Variants in MKLN1 observed in about 807,000 individuals in gnomAD.
MKLN1 encodes the protein muskelin 1, also known as muskelin.
MKLN1 carries 18 observed loss-of-function variants against 99.0 expected under a neutral mutation model. The observed-to-expected ratio is 0.18, with a 90% CI of 0.13 to 0.27. The LOEUF (loss-of-function observed/expected upper bound fraction) is 0.27, where lower values mean the gene tolerates loss of function less well. Ranked by LOEUF, MKLN1 falls within the 10% of genes least tolerant of loss-of-function variation. The pLI is 1.00. For synonymous variants in MKLN1, 288 were observed against 293.2 expected (o/e 0.98, Z 0.18); for missense variants, 621 against 875.9 (o/e 0.71, Z 3.67).
At chr7:131,178,733 C>T (rs972394841) in intron 2 of MKLN1, among the ~76,000 whole-genome samples, 2 of 152,052 alleles carry the variant, frequency 1.3e-5, no homozygotes, top group African/African-American at 4.8e-5. Context: ...TTAAACACTC[C>T]TGCTTTTGGA....
At chr7:131,230,918 C>T (rs769591599) in intron 3 of MKLN1, among the ~76,000 whole-genome samples, 2 of 151,870 alleles carry the variant, frequency 1.3e-5, no homozygotes, top group African/African-American at 2.4e-5. Flanking sequence ...GTCAGGAGTT[C>T]GAGACCAACC....
intron 3 of MKLN1, among the ~76,000 whole-genome samples, chr7:131,291,790 A>G (rs989794372): frequency 1.3e-5 from 2 of 149,782 alleles, no homozygotes; most frequent in African/African-American, 4.9e-5. Context: ...GAAAAAAAAG[A>G]CATTTAAATT....
intron 1 of MKLN1, among the ~76,000 whole-genome samples, chr7:131,359,016 A>G (rs1206286191): frequency 6.6e-6 from 1 of 151,300 alleles, no homozygotes; most frequent in Non-Finnish European, 1.5e-5. Context: ...AGTTTCATTG[A>G]TTTTTGCCCT....
At chr7:131,276,015 A>G (rs1371900071) in intron 3 of MKLN1, among the ~76,000 whole-genome samples, 1 of 152,164 alleles carries the variant, frequency 6.6e-6, no homozygotes, top group Non-Finnish European at 1.5e-5. Context: ...AGGCAGATAC[A>G]TAGGGGAAGA....
At position 131,495,207 on chromosome 7, in the gene MKLN1, T is replaced by C. The variant is rs1011486783; in HGVS notation, c.*7479T>C. ...AGTCAGAAATTAAGATCCCCTCTGATAGAGATAGATTCTCAAAACCAAAAT... is the reference window on the plus strand; with the variant it reads ...AGTCAGAAATTAAGATCCCCTCTGACAGAGATAGATTCTCAAAACCAAAAT... On this transcript the variant is annotated 3_prime_UTR_variant, in exon 18 of 18. Coordinates refer to ENST00000352689, the MANE Select transcript of MKLN1 (RefSeq NM_013255.5). 1 of 152,200 alleles carries C rather than the reference T, an allele frequency of 6.6e-6. No individual in the cohort carries two copies. The highest frequency in any genetic ancestry group is 1.9e-4 in the East Asian group (1 of 5,206). The allele number at this position is 152,200 out of a possible 1,614,324, so 9.4% of individuals were successfully genotyped here.
intron 3 of MKLN1, among the ~76,000 whole-genome samples, chr7:131,211,766 G>T (rs1351353909): frequency 6.6e-6 from 1 of 152,062 alleles, no homozygotes; most frequent in African/African-American, 2.4e-5. Context: ...TAAAAGATGG[G>T]TGATTACTCT....
intron 1 of MKLN1, among the ~76,000 whole-genome samples, chr7:131,121,676 G>C (rs1288376687): frequency 2.3e-5 from 3 of 129,270 alleles, no homozygotes; most frequent in African/African-American, 8.4e-5. Context: ...AAATTACCCA[G>C]CCTCAGATAT....
chr7:131,268,247 T>C (rs904741026), intron 3 of MKLN1, among the ~76,000 whole-genome samples: 2 of 152,228 alleles, frequency 1.3e-5, no homozygotes, highest in Admixed American at 6.5e-5. Flanking sequence ...AATTCCTTGA[T>C]GTTGAGCTTG....
intron 1 of MKLN1, among the ~76,000 whole-genome samples, chr7:131,350,587 G>A (rs1584635523): frequency 6.6e-6 from 1 of 152,172 alleles, no homozygotes; most frequent in East Asian, 1.9e-4. Context: ...GCAGGATTCA[G>A]TTTCTTGCAA....
chr7:131,478,595 CT>C (rs3080645), intron 16 of MKLN1, 27 bp from the exon 17 acceptor site: 108,219 of 1,210,926 alleles, frequency 0.089, 1 homozygote, highest in Middle Eastern at 0.15. Flanking sequence ...TTTGCTGCTT[CT>C]TTTTTTTTTT....
chr7:131,344,492 T>C (rs1183505559), intron 1 of MKLN1, among the ~76,000 whole-genome samples: 1 of 152,240 alleles, frequency 6.6e-6, no homozygotes, highest in South Asian at 2.1e-4. Context: ...TTTTAGTAGC[T>C]AATTTTGAGT....
intron 11 of MKLN1, among the ~76,000 whole-genome samples, chr7:131,444,297 AG>A (rs1795930760): frequency 6.6e-6 from 1 of 151,778 alleles, no homozygotes; most frequent in South Asian, 2.1e-4. Context: ...TTTTGTATTT[AG>A]TAAAGACAGG....
rs987302968 is a variant in MKLN1, at chr7:131,445,886, A to G, written c.1508A>G (p.Lys503Arg). ...GTAGACATAATATCAGATGGCACCA[A>G]GAAAGACTCTGGGATGGGTAAGGGC... Reference protein sequence around the residue: ...DHVDIISDGTKKDSGMVPMTG... With the variant: ...DHVDIISDGTRKDSGMVPMTG... The change falls in exon 12 of 18, where the codon AAG becomes AGG. Residue 503 changes from lysine to arginine, a missense_variant. Transcript: ENST00000352689. 1 of 1,601,050 alleles carries G rather than the reference A, an allele frequency of 6.2e-7. No homozygotes were observed. The highest frequency in any genetic ancestry group is 8.5e-7 in the Non-Finnish European group (1 of 1,172,076).
At chr7:131,234,415 C>T (rs1198674715) in intron 3 of MKLN1, among the ~76,000 whole-genome samples, 1 of 151,984 alleles carries the variant, frequency 6.6e-6, no homozygotes, top group African/African-American at 2.4e-5. Context: ...TGCCAGTTTC[C>T]CTGCTTCCTA....
chr7:131,381,497 T>C (rs1335213784), intron 2 of MKLN1, among the ~76,000 whole-genome samples: 1 of 152,222 alleles, frequency 6.6e-6, no homozygotes, highest in East Asian at 1.9e-4. Context: ...ACTGTGAAAA[T>C]GACTTTAATG....
chr7:131,148,625 T>A (rs1289956557), intron 2 of MKLN1, among the ~76,000 whole-genome samples: 4 of 151,898 alleles, frequency 2.6e-5, no homozygotes, highest in Non-Finnish European at 5.9e-5. Flanking sequence ...AATTTAGAAT[T>A]AGCCAGGCGT....
At chr7:131,158,697 CT>C (rs1796004559) in intron 2 of MKLN1, among the ~76,000 whole-genome samples, 1 of 152,130 alleles carries the variant, frequency 6.6e-6, no homozygotes, top group Non-Finnish European at 1.5e-5. Flanking sequence ...CACTTTTCAC[CT>C]TTATGAAAAG....
chr7:131,282,807 T>A (rs1163935226), intron 3 of MKLN1, among the ~76,000 whole-genome samples: 6 of 152,220 alleles, frequency 3.9e-5, no homozygotes, highest in African/African-American at 1.4e-4. Context: ...GAGTCTCATG[T>A]CAGACCTATT....
Position 131,400,520 on chromosome 7 carries a change from T to C in MKLN1, c.703+1087T>C, listed in dbSNP as rs6961564. On this transcript the variant is annotated intron_variant, in intron 6 of 17. Transcript: ENST00000352689. ...TAAAATGCTACCAATAAAAAAAAAATATATATATATATATATATATGCCAT... is the reference window on the plus strand; with the variant it reads ...TAAAATGCTACCAATAAAAAAAAAACATATATATATATATATATATGCCAT... Among the ~76,000 whole-genome samples, 299 of 114,854 alleles carry C rather than the reference T, an allele frequency of 2.6e-3. 12 individuals are homozygous for C. In the South Asian group the frequency reaches 0.079, roughly 30 times the overall value. 75.3% of individuals were successfully genotyped at this position (114,854 alleles called of 152,430 possible).
Sources: allele counts gnomAD v4.1 joint callset (sites outside exome capture counted in the v4.1 genomes callset), GRCh38; gene constraint gnomAD v4.1.1; transcripts MANE v1.5; gene names NCBI Gene and HGNC (gene_info 2026-07-23, HGNC 2026-07-21).